Variants in ZNF544 observed in about 807,000 individuals in gnomAD.
ZNF544 encodes zinc finger protein AF020591.
Under a neutral mutation model 13.5 loss-of-function variants are expected in ZNF544, and 10 were observed. The observed-to-expected ratio is 0.74, with a 90% confidence interval of 0.46 to 1.25. The LOEUF (loss-of-function observed/expected upper bound fraction) is 1.25. ZNF544 is among the 50% of genes most tolerant of loss of function. The pLI, the probability that ZNF544 is intolerant of heterozygous loss-of-function variation, is 0.00. For missense variants in ZNF544, 896 were observed against 845.6 expected (o/e 1.06, Z -0.74); for synonymous variants, 323 against 300.5 (o/e 1.07, Z -0.77).
chr19:58,236,801 G>A (rs1048684550), intron 3 of ZNF544, among the ~76,000 whole-genome samples: 4 of 151,118 alleles, frequency 2.6e-5, no homozygotes, highest in African/African-American at 9.7e-5. Flanking sequence ...GAGTGCAGTG[G>A]CGGGATCTCA....
chr19:58,264,654 G>A (rs1363191257), downstream of ZNF544, among the ~76,000 whole-genome samples: 1 of 152,012 alleles, frequency 6.6e-6, no homozygotes, highest in Non-Finnish European at 1.5e-5. Flanking sequence ...TCATGCCACT[G>A]CACTCTAGCT....
At chr19:58,272,094 G>C (rs2147891931) in intron 5 of ZNF544, among the ~76,000 whole-genome samples, 1 of 151,800 alleles carries the variant, frequency 6.6e-6, no homozygotes, top group East Asian at 1.9e-4. Context: ...CCGGGAGTTG[G>C]AGATTGCAAT....
At chr19:58,276,525 T>A (rs939507335) in intron 6 of ZNF544, 1 of 738,552 alleles carries the variant, frequency 1.4e-6, no homozygotes, top group African/African-American at 1.8e-5. Context: ...TGGAGTGCAG[T>A]GGCGCAATCT....
At position 58,263,067 on chromosome 19, in the gene ZNF544, G is replaced by T; in HGVS notation, c.*313G>T. On this transcript the variant is annotated 3_prime_UTR_variant, in exon 7 of 7. Transcript: ENST00000687789. ...ACTAGGCAGCAGAGAATTCATACTG[G>T]AGAGAAGCCCTGTGAATGTTAACAA... 2 of 1,108,980 alleles carry T rather than the reference G, an allele frequency of 1.8e-6. No individual in the cohort carries two copies. Among genetic ancestry groups the T allele is most frequent in the Non-Finnish European group, 2.2e-6 (2 of 906,002 alleles). 68.7% of individuals were successfully genotyped at this position (1,108,980 alleles called of 1,614,324 possible).
intron 5 of ZNF544, among the ~76,000 whole-genome samples, chr19:58,272,088 GA>G (rs1278187416): frequency 6.6e-6 from 1 of 151,766 alleles, no homozygotes; most frequent in Non-Finnish European, 1.5e-5. Context: ...TGGAACCCGG[GA>G]GTTGGAGATT....
chr19:58,268,716 A>C (rs1219152798), downstream of ZNF544, among the ~76,000 whole-genome samples: 2 of 152,224 alleles, frequency 1.3e-5, no homozygotes, highest in Non-Finnish European at 2.9e-5. Context: ...GGAAAGACGA[A>C]GGAAAAGAGG....
chr19:58,266,870 G>C (rs2049982614), downstream of ZNF544: 1 of 152,202 alleles, frequency 6.6e-6, no homozygotes, highest in South Asian at 2.1e-4. Context: ...CTTTTTACCT[G>C]ATAGCTGGTT....
intron 5 of ZNF544, among the ~76,000 whole-genome samples, chr19:58,274,861 A>T (rs1284360818): frequency 6.6e-6 from 1 of 152,136 alleles, no homozygotes; most frequent in Non-Finnish European, 1.5e-5. Context: ...TTCCTATGAA[A>T]ATGAGAGAGG....
intron 6 of ZNF544, chr19:58,258,496 C>T (rs1378301240): frequency 4.5e-5 from 4 of 87,922 alleles, no homozygotes; most frequent in African/African-American, 2.4e-4. Context: ...GCGAGGGCAC[C>T]AGGTGTGAGG....
intron 6 of ZNF544, chr19:58,251,367 G>T (rs202205419): frequency 2.9e-5 from 15 of 518,882 alleles, no homozygotes; most frequent in Non-Finnish European, 5.4e-5. Flanking sequence ...CAGGTTCCCG[G>T]TCTGGGACTT....
rs556960967 is a variant in ZNF544, at chr19:58,255,360, G to A, written c.245-5491G>A. ...CCCAGCCAATTTTTTTGTATTTTTA[G>A]TAGAGCTGTGGTTTCACCATGTTGG... On this transcript the variant is annotated intron_variant, in intron 6 of 6. Transcript: ENST00000687789. Among the ~76,000 whole-genome samples the A allele has an allele frequency of 3.9e-5, 6 of 152,014 alleles. No individual in the cohort carries two copies. The South Asian group carries it at 1.2e-3, about 32-fold the overall frequency.
chr19:58,271,384 T>C (rs967982196), intron 5 of ZNF544, among the ~76,000 whole-genome samples: 1 of 151,342 alleles, frequency 6.6e-6, no homozygotes. Context: ...GGTGGATCAC[T>C]TGAGCCTAAG....
chr19:58,244,554 A>G (rs775381452), intron 4 of ZNF544, among the ~76,000 whole-genome samples: 4 of 152,092 alleles, frequency 2.6e-5, no homozygotes, highest in South Asian at 4.2e-4. Context: ...GAGAGCACAC[A>G]TGCCCTTTAG....
chr19:58,260,856 A>G lies in ZNF544; in HGVS notation c.250A>G (p.Lys84Glu), dbSNP rs573833360. 1.3e-6 allele frequency: 2 copies of G among 1,582,046 alleles called. No individual in the cohort carries two copies. Among genetic ancestry groups the G allele is most frequent in the African/African-American group, 1.4e-5 (1 of 73,526 alleles). ...RAEQEAPRDW[K>E]ATLEENRLNS... ...GCATTTTGGATTTCTTTCAGACTGGAAAGCTACCCTTGAGGAGAATAGGTT... is the reference window on the plus strand; with the variant it reads ...GCATTTTGGATTTCTTTCAGACTGGGAAGCTACCCTTGAGGAGAATAGGTT... The change falls in exon 7 of 7, where the codon AAA (lysine) becomes GAA (glutamate). Residue 84 changes from lysine (K) to glutamate (E), a missense_variant. Coordinates refer to ENST00000687789, the MANE Select transcript of ZNF544 (RefSeq NM_014480.4).
chr19:58,251,021 G>GT (rs1330419722), intron 6 of ZNF544, among the ~76,000 whole-genome samples: 7 of 152,200 alleles, frequency 4.6e-5, no homozygotes, highest in Admixed American at 4.6e-4. Flanking sequence ...TACACAGGCT[G>GT]TGGGTGACCA....
At position 58,262,076 on chromosome 19, in the gene ZNF544, A is replaced by C. The variant is rs1318176495; in HGVS notation, c.1470A>C (p.Lys490Asn). ...VTHKRTHTGEKPFKCTQCGKS... is the reference protein window; with the variant it reads ...VTHKRTHTGENPFKCTQCGKS... Reference sequence around the variant, plus strand: ...ATAAAAGAACGCACACTGGAGAAAAACCCTTCAAATGTACTCAGTGTGGGA... The same window carrying C: ...ATAAAAGAACGCACACTGGAGAAAACCCCTTCAAATGTACTCAGTGTGGGA... Residue 490 changes from lysine (K) to asparagine (N), a missense_variant, in exon 7 of 7, where the codon AAA (lysine) becomes AAC (asparagine). By Grantham distance (94) the Lys-to-Asn change is moderately conservative (BLOSUM62 0). Coordinates refer to ENST00000687789, the MANE Select transcript of ZNF544 (RefSeq NM_014480.4). 2 of 1,577,612 alleles carry C rather than the reference A, an allele frequency of 1.3e-6. No individual in the cohort carries two copies. Among genetic ancestry groups the C allele is most frequent in the Non-Finnish European group, 1.7e-6 (2 of 1,166,706 alleles).
chr19:58,236,716 A>T (rs1484535934), intron 3 of ZNF544, among the ~76,000 whole-genome samples: 1 of 150,388 alleles, frequency 6.6e-6, no homozygotes, highest in Non-Finnish European at 1.5e-5. Context: ...TTAAGCCTCC[A>T]TTTGTGTGTA....
chr19:58,234,593 CT>C (rs991019409), intron 3 of ZNF544, among the ~76,000 whole-genome samples: 3 of 152,250 alleles, frequency 2.0e-5, no homozygotes, highest in African/African-American at 2.4e-5. Context: ...AGGAGCAGTT[CT>C]TCCCTTTGCC....
chr19:58,246,298 C>T lies in ZNF544; in HGVS notation c.34-3C>T, dbSNP rs535282341. On this transcript the variant is annotated splice_polypyrimidine_tract_variant and splice_region_variant and intron_variant, in intron 4 of 6. Coordinates refer to ENST00000687789, the MANE Select transcript of ZNF544 (RefSeq NM_014480.4). ...CTGAGCAGTAACAAGTGCCCTGTTT[C>T]AGGCATCTGTGTGCTTCGAGGATGT... is the stretch of plus-strand genomic sequence containing the variant. 4 of 1,613,996 alleles carry T rather than the reference C, an allele frequency of 2.5e-6. No individual in the cohort carries two copies. Among genetic ancestry groups the T allele is most frequent in the African/African-American group, 2.7e-5 (2 of 75,036 alleles).
Sources: gnomAD v4.1 joint callset for allele counts (sites outside exome capture counted in the v4.1 genomes callset) on GRCh38, gnomAD v4.1.1 for gene constraint, MANE v1.5 for transcripts, NCBI Gene and HGNC (gene_info 2026-07-23, HGNC 2026-07-21) for gene names.